The following TOGARAM2 variants were observed in gnomAD, a reference collection of about 807,000 sequenced individuals.
The protein encoded by TOGARAM2 is TOG array regulator of axonemal microtubules 2.
Under a neutral mutation model 93.3 loss-of-function variants are expected in TOGARAM2, and 85 were observed. The ratio of observed to expected loss-of-function variants is 0.91; its 90% CI spans 0.76 to 1.09. The LOEUF is 1.09. Among genes scored for constraint, TOGARAM2 ranks in the 50% least tolerant of loss-of-function variants. TOGARAM2 has a pLI of 0.00. For missense variants in TOGARAM2, 1,277 were observed against 1,334.5 expected (o/e 0.96, Z 0.67); for synonymous variants, 593 against 552.8 (o/e 1.07, Z -1.02).
intron 15 of TOGARAM2, 128 bp from the exon 16 acceptor site, chr2:29,033,341 C>A: frequency 1.1e-6 from 1 of 900,586 alleles, no homozygotes; most frequent in Non-Finnish European, 1.7e-6. Flanking sequence ...CTGGAAGGCT[C>A]AACTGTGACA....
At chr2:29,017,539 G>A (rs973729696) in intron 9 of TOGARAM2, among the ~76,000 whole-genome samples, 21 of 152,168 alleles carry the variant, frequency 1.4e-4, no homozygotes, top group Middle Eastern at 3.4e-3. Context: ...CCCAAGTAGT[G>A]GGAAATACAG....
upstream of TOGARAM2, among the ~76,000 whole-genome samples, chr2:28,981,142 T>A (rs1329929169): frequency 6.6e-6 from 1 of 152,226 alleles, no homozygotes; most frequent in Non-Finnish European, 1.5e-5. Flanking sequence ...CTTTCTGTGG[T>A]GTCCATGACC....
chr2:28,969,979 A>G (rs1671921820), intron 1 of TOGARAM2, among the ~76,000 whole-genome samples: 1 of 151,878 alleles, frequency 6.6e-6, no homozygotes, highest in South Asian at 2.1e-4. Flanking sequence ...CGCCCGGCTA[A>G]TTTTTGTATT....
rs1665857407 is a variant in TOGARAM2, at chr2:29,032,946, G to A, written c.2025G>A (p.Arg675=). 4 of 1,613,492 alleles carry A rather than the reference G, an allele frequency of 2.5e-6. No homozygotes were observed. In the Admixed American group the frequency reaches 6.7e-5, roughly 27 times the overall value. ...DSNQDTRFYG[R]KMVNILMANT... ...TCTCCTGTGGCAGATTTTATGGCCGGAAGATGGTGAATATCTTGATGGCGA... is the reference window on the plus strand; with the variant it reads ...TCTCCTGTGGCAGATTTTATGGCCGAAAGATGGTGAATATCTTGATGGCGA... Residue 675 remains arginine (R), a synonymous_variant, in exon 15 of 20, where the codon CGG becomes CGA. Transcript: ENST00000379558.
At position 28,999,482 on chromosome 2, in the gene TOGARAM2, C is replaced by T. The variant is rs776568850; in HGVS notation, c.427+14C>T. ...CGTCTTCCCGAGGTGAGCACTGGCCCCTGCCCACCCCTCACCCACCCACTT... is the reference window on the plus strand; with the variant it reads ...CGTCTTCCCGAGGTGAGCACTGGCCTCTGCCCACCCCTCACCCACCCACTT... On this transcript the variant is annotated intron_variant, in intron 4 of 19. Coordinates refer to ENST00000379558, the MANE Select transcript of TOGARAM2 (RefSeq NM_199280.4). 1 of 1,573,186 alleles carries T rather than the reference C, an allele frequency of 6.4e-7. No individual in the cohort carries two copies. Among genetic ancestry groups the T allele is most frequent in the African/African-American group, 1.3e-5 (1 of 74,084 alleles).
intron 1 of TOGARAM2, among the ~76,000 whole-genome samples, chr2:28,990,696 T>G (rs1033126074): frequency 6.6e-6 from 1 of 152,116 alleles, no homozygotes; most frequent in Non-Finnish European, 1.5e-5. Context: ...TATCCCTGAG[T>G]GCTCATCTCT....
At position 29,017,909 on chromosome 2, in the gene TOGARAM2, G is replaced by C. The variant is rs774976353; in HGVS notation, c.1313G>C (p.Ser438Thr). 6.2e-7 allele frequency: 1 copy of C among 1,611,542 alleles called. No homozygotes were observed. Among genetic ancestry groups the C allele is most frequent in the African/African-American group, 1.3e-5 (1 of 74,896 alleles). The change falls in exon 10 of 20, where the codon AGC becomes ACC. Residue 438 changes from serine to threonine, a missense_variant. Physicochemically the swap from Ser to Thr is moderately conservative, Grantham distance 58. Coordinates refer to ENST00000379558, the MANE Select transcript of TOGARAM2 (RefSeq NM_199280.4). ...TGGGCCAGCCGGGCCTCCCTGCCCAGCATCCCCATCAGCCGGCAGGAGCCC... is the reference window on the plus strand; with the variant it reads ...TGGGCCAGCCGGGCCTCCCTGCCCACCATCCCCATCAGCCGGCAGGAGCCC... Reference protein sequence around the residue: ...RKWASRASLPSIPISRQEPRF... With the variant: ...RKWASRASLPTIPISRQEPRF...
At chr2:28,984,306 T>C (rs1672366852) in intron 1 of TOGARAM2, among the ~76,000 whole-genome samples, 1 of 152,156 alleles carries the variant, frequency 6.6e-6, no homozygotes, top group African/African-American at 2.4e-5. Flanking sequence ...GTGTATGTCC[T>C]GGAGAGGCAC....
At chr2:29,031,265 G>T (rs1665753583) in intron 14 of TOGARAM2, among the ~76,000 whole-genome samples, 1 of 152,168 alleles carries the variant, frequency 6.6e-6, no homozygotes, top group South Asian at 2.1e-4. Context: ...GAACTCCTGG[G>T]CTCATGTAAT....
chr2:29,028,771 C>A (rs1186533050), intron 14 of TOGARAM2, among the ~76,000 whole-genome samples: 1 of 152,148 alleles, frequency 6.6e-6, no homozygotes, highest in African/African-American at 2.4e-5. Flanking sequence ...CAACAGCCAA[C>A]AGGATGGCAG....
chr2:28,979,229 C>G (rs1469445737), upstream of TOGARAM2, among the ~76,000 whole-genome samples: 5 of 152,140 alleles, frequency 3.3e-5, no homozygotes, highest in Non-Finnish European at 5.9e-5. Flanking sequence ...CTGCTCCTTA[C>G]CTCGGGGATT....
chr2:29,045,248 A>T, intron 18 of TOGARAM2, 76 bp from the exon 19 acceptor site: 1 of 1,165,764 alleles, frequency 8.6e-7, no homozygotes, highest in Non-Finnish European at 1.3e-6. Flanking sequence ...TACTGTGGGT[A>T]TGTGGCCCTG....
At position 29,024,206 on chromosome 2, in the gene TOGARAM2, TGAA is replaced by T. The variant is rs778051366; in HGVS notation, c.1692_1694del (p.Lys564del). 1.7e-5 allele frequency: 28 copies of T among 1,606,858 alleles called. No homozygotes were observed. The East Asian group carries it at 4.0e-4, about 23-fold the overall frequency. ...ACCTTGGGAGACCTCTTCCAGGCCT[TGAA>T]GAAGAATATGGACCAGGAGGCCGAG... On this transcript the variant is annotated inframe_deletion, in exon 13 of 20. Coordinates refer to ENST00000379558, the MANE Select transcript of TOGARAM2 (RefSeq NM_199280.4).
chr2:28,981,891 C>G (rs1672211955), intron 1 of TOGARAM2, among the ~76,000 whole-genome samples: 2 of 152,196 alleles, frequency 1.3e-5, no homozygotes, highest in Admixed American at 6.5e-5. Context: ...AGGGCAACAG[C>G]TCCCTGGGGT....
At chr2:28,964,703 T>C (rs920174080) in intron 1 of TOGARAM2, among the ~76,000 whole-genome samples, 2 of 148,732 alleles carry the variant, frequency 1.3e-5, no homozygotes, top group Non-Finnish European at 3.0e-5. Context: ...TGTGTTCTCA[T>C]TGTTCACCTC....
chr2:29,027,261 CT>C (rs1424334034), intron 14 of TOGARAM2, among the ~76,000 whole-genome samples: 1 of 152,170 alleles, frequency 6.6e-6, no homozygotes, highest in East Asian at 1.9e-4. Context: ...GAGTGTTGCT[CT>C]TGTTTCTACC....
chr2:28,979,647 C>T (rs1038112838), upstream of TOGARAM2, among the ~76,000 whole-genome samples: 4 of 152,188 alleles, frequency 2.6e-5, no homozygotes, highest in Non-Finnish European at 5.9e-5. Flanking sequence ...ATGGCCAGCC[C>T]ACCTTGGGAA....
At chr2:29,016,905 C>T (rs1219797639) in intron 8 of TOGARAM2, among the ~76,000 whole-genome samples, 5 of 152,210 alleles carry the variant, frequency 3.3e-5, no homozygotes, top group East Asian at 1.9e-4. Flanking sequence ...TCCCTAGGGA[C>T]CTTCTAGGCT....
intron 6 of TOGARAM2, among the ~76,000 whole-genome samples, chr2:29,006,330 A>ATG (rs1216331767): frequency 2.6e-5 from 3 of 114,440 alleles, no homozygotes; most frequent in Non-Finnish European, 3.6e-5. Context: ...GAGTGTGTGC[A>ATG]TGTGTGTGTA....
Sources: gnomAD v4.1 joint callset for allele counts (sites outside exome capture counted in the v4.1 genomes callset) on GRCh38, gnomAD v4.1.1 for gene constraint, MANE v1.5 for transcripts, NCBI Gene and HGNC (gene_info 2026-07-23, HGNC 2026-07-21) for gene names.